The following UST variants were observed in gnomAD, a reference collection of about 807,000 sequenced individuals.
UST encodes the protein uronyl 2-sulfotransferase, also known as chondroitin sulfate 2-O-sulfotransferase.
A neutral mutation model predicts 45.6 loss-of-function variants in UST; 21 were observed. The ratio of observed to expected loss-of-function variants is 0.46; its 90% CI spans 0.33 to 0.66. The LOEUF (loss-of-function observed/expected upper bound fraction) is 0.66, where lower values mean the gene tolerates loss of function less well. Among genes scored for constraint, UST ranks in the 30% least tolerant of loss-of-function variants. The pLI is 0.02. For synonymous variants in UST, 215 were observed against 200.6 expected (o/e 1.07, Z -0.61); for missense variants, 463 against 512.4 (o/e 0.90, Z 0.93).
intron 1 of UST, among the ~76,000 whole-genome samples, chr6:148,810,238 G>A (rs993224434): frequency 4.6e-5 from 7 of 152,194 alleles, no homozygotes; most frequent in African/African-American, 1.7e-4. Flanking sequence ...TATATTTTTA[G>A]CCTGCTTAGA....
intron 3 of UST, among the ~76,000 whole-genome samples, chr6:148,949,743 T>C (rs571338903): frequency 6.6e-6 from 1 of 152,310 alleles, no homozygotes; most frequent in African/African-American, 2.4e-5. Context: ...TCTGTCCAAG[T>C]ACCTTGAGTA....
intron 1 of UST, among the ~76,000 whole-genome samples, chr6:148,772,279 C>G (rs1776444152): frequency 6.6e-6 from 1 of 152,046 alleles, no homozygotes; most frequent in Non-Finnish European, 1.5e-5. Context: ...TGCTATGTGC[C>G]CAAGGTATAA....
At chr6:149,003,294 T>C (rs187804247) in intron 5 of UST, among the ~76,000 whole-genome samples, 2 of 152,294 alleles carry the variant, frequency 1.3e-5, no homozygotes, top group African/African-American at 2.4e-5. Flanking sequence ...TTAAAGATAA[T>C]AATAGCTCTC....
At chr6:148,941,252 T>C (rs1322873448) in intron 2 of UST, 27 bp from the exon 3 acceptor site, 1 of 1,612,628 alleles carries the variant, frequency 6.2e-7, no homozygotes, top group Non-Finnish European at 8.5e-7. Context: ...AGACGTTTCA[T>C]GTTTGTTCTC....
chr6:148,966,812 CTGCAA>C (rs1780811057), intron 5 of UST, among the ~76,000 whole-genome samples: 1 of 152,250 alleles, frequency 6.6e-6, no homozygotes, highest in Non-Finnish European at 1.5e-5. Flanking sequence ...TCTCTGCTCA[CTGCAA>C]CCTCCACCTC....
At chr6:148,768,654 A>G (rs1562561967) in intron 1 of UST, among the ~76,000 whole-genome samples, 1 of 152,184 alleles carries the variant, frequency 6.6e-6, no homozygotes, top group Non-Finnish European at 1.5e-5. Context: ...ATGATACTGC[A>G]TGTCTGTCTG....
At chr6:149,068,027 G>C (rs185242857) in intron 7 of UST, among the ~76,000 whole-genome samples, 17 of 152,190 alleles carry the variant, frequency 1.1e-4, no homozygotes, top group Admixed American at 7.9e-4. Flanking sequence ...AGATGATCGT[G>C]CCCAATTTTT....
chr6:148,980,272 A>C (rs1781104374), intron 5 of UST, among the ~76,000 whole-genome samples: 1 of 151,466 alleles, frequency 6.6e-6, no homozygotes. Context: ...TCCAATCAGC[A>C]GTGAAATTCT....
chr6:149,036,881 G>A (rs1001040763), intron 7 of UST, among the ~76,000 whole-genome samples: 2 of 152,156 alleles, frequency 1.3e-5, no homozygotes, highest in Non-Finnish European at 2.9e-5. Flanking sequence ...GACAAATCAG[G>A]GCTGTACTGG....
intron 7 of UST, among the ~76,000 whole-genome samples, chr6:149,068,397 T>C (rs1272031907): frequency 6.6e-6 from 1 of 152,200 alleles, no homozygotes; most frequent in Non-Finnish European, 1.5e-5. Flanking sequence ...CAAGGGGTTA[T>C]TGTGAGGATT....
intron 1 of UST, among the ~76,000 whole-genome samples, chr6:148,831,647 T>A (rs567795905): frequency 6.6e-6 from 1 of 152,248 alleles, no homozygotes; most frequent in South Asian, 2.1e-4. Context: ...TAAGGAAAAC[T>A]AGCTGAGTGC....
At chr6:149,001,814 T>C (rs1161876973) in intron 5 of UST, among the ~76,000 whole-genome samples, 1 of 152,214 alleles carries the variant, frequency 6.6e-6, no homozygotes, top group Admixed American at 6.5e-5. Flanking sequence ...TGTTAAAAGT[T>C]GTTTGTATGT....
intron 4 of UST, among the ~76,000 whole-genome samples, chr6:148,958,766 C>T (rs917851175): frequency 2.0e-5 from 3 of 152,048 alleles, no homozygotes; most frequent in African/African-American, 2.4e-5. Flanking sequence ...TTTTGGGGGG[C>T]GTATAAATAT....
At chr6:148,801,090 C>A (rs1292236598) in intron 1 of UST, among the ~76,000 whole-genome samples, 1 of 152,096 alleles carries the variant, frequency 6.6e-6, no homozygotes, top group Non-Finnish European at 1.5e-5. Context: ...AGTGAAGCTG[C>A]CTCATCAGCT....
chr6:148,953,216 G>T (rs576871607), intron 3 of UST, among the ~76,000 whole-genome samples: 196 of 152,264 alleles, frequency 1.3e-3, no homozygotes, highest in African/African-American at 4.4e-3. Flanking sequence ...ATCATTTACA[G>T]AATAAGATAA....
chr6:148,922,389 T>A (rs1314629324), intron 2 of UST, among the ~76,000 whole-genome samples: 1 of 152,210 alleles, frequency 6.6e-6, no homozygotes, highest in African/African-American at 2.4e-5. Flanking sequence ...CTTCTCTTAC[T>A]CAGCATAATG....
intron 1 of UST, among the ~76,000 whole-genome samples, chr6:148,856,113 T>G (rs980873475): frequency 1.3e-5 from 2 of 151,990 alleles, no homozygotes; most frequent in African/African-American, 2.4e-5. Context: ...ACCTCCTGGG[T>G]TCAAGCGATT....
chr6:148,897,838 C>T (rs763358023), intron 2 of UST, among the ~76,000 whole-genome samples: 7 of 152,148 alleles, frequency 4.6e-5, no homozygotes, highest in Admixed American at 2.0e-4. Flanking sequence ...AGACCAGATA[C>T]GAATCTCTTA....
intron 5 of UST, among the ~76,000 whole-genome samples, chr6:148,965,189 A>G (rs1008849557): frequency 6.6e-6 from 1 of 152,210 alleles, no homozygotes; most frequent in East Asian, 1.9e-4. Context: ...AAGGGATGTT[A>G]GTCTCGAGCC....
Sources: allele counts gnomAD v4.1 joint callset (sites outside exome capture counted in the v4.1 genomes callset), GRCh38; gene constraint gnomAD v4.1.1; transcripts MANE v1.5; gene names NCBI Gene and HGNC (gene_info 2026-07-23, HGNC 2026-07-21).